Variants in RORA observed in about 807,000 individuals in gnomAD.
RORA encodes nuclear receptor ROR-alpha.
In RORA, 7 loss-of-function variants were observed where a neutral mutation model predicts 69.5. The observed-to-expected ratio is 0.10, with a 90% CI of 0.06 to 0.19. The LOEUF (loss-of-function observed/expected upper bound fraction) is 0.19, where lower values mean the gene tolerates loss of function less well. RORA is among the 10% of genes least tolerant of loss of function. The pLI is 1.00. For synonymous variants in RORA, 261 were observed against 240.8 expected (o/e 1.08, Z -0.78); for missense variants, 457 against 663.0 (o/e 0.69, Z 3.41).
rs535306149 is a variant in RORA at position 60,973,841 on chromosome 15, T to C, written c.166+255212A>G. On this transcript the variant is annotated intron_variant, in intron 1 of 10. Coordinates refer to ENST00000335670, the MANE Select transcript of RORA (RefSeq NM_134261.3). The stretch of plus-strand genomic sequence containing the variant: ...GGGTCGGAGACATGAATGCTGCCTC[T>C]GGACTCGCCAATTAGGCCCAGCCAT... 2.0e-5 allele frequency among the ~76,000 whole-genome samples: 3 copies of C among 152,336 alleles called. No individual in the cohort carries two copies. The South Asian group carries it at 6.2e-4, about 32-fold the overall frequency.
At chr15:60,621,371 C>A (rs532182278) in intron 2 of RORA, among the ~76,000 whole-genome samples, 2 of 152,108 alleles carry the variant, frequency 1.3e-5, no homozygotes, top group African/African-American at 4.8e-5. Context: ...TAGTCCACTG[C>A]GGAGCCAGAG....
intron 2 of RORA, among the ~76,000 whole-genome samples, chr15:60,668,170 T>C (rs1443736924): frequency 6.6e-6 from 1 of 152,132 alleles, no homozygotes; most frequent in African/African-American, 2.4e-5. Flanking sequence ...CTGTCCTCAC[T>C]CCACGTAGAT....
chr15:60,846,349 T>C (rs1220733067), intron 1 of RORA, among the ~76,000 whole-genome samples: 2 of 152,196 alleles, frequency 1.3e-5, no homozygotes, highest in African/African-American at 4.8e-5. Flanking sequence ...AATCAGCTGA[T>C]TGCAAAGATC....
chr15:60,552,948 T>C (rs1047893453), intron 2 of RORA, among the ~76,000 whole-genome samples: 1 of 152,186 alleles, frequency 6.6e-6, no homozygotes, highest in Non-Finnish European at 1.5e-5. Flanking sequence ...TGGACCCCAA[T>C]GCTAAATCTT....
intron 1 of RORA, among the ~76,000 whole-genome samples, chr15:60,895,384 C>G (rs1294301605): frequency 6.6e-6 from 1 of 152,150 alleles, no homozygotes; most frequent in Non-Finnish European, 1.5e-5. Flanking sequence ...AGTAATTGCT[C>G]CTTTAGAGCA....
chr15:60,678,910 G>A (rs1312150687), intron 1 of RORA, among the ~76,000 whole-genome samples: 1 of 152,152 alleles, frequency 6.6e-6, no homozygotes, highest in Non-Finnish European at 1.5e-5. Flanking sequence ...GAGGTTCTGT[G>A]GTAAAAGTGG....
At chr15:60,995,089 AAG>A (rs1474337144) in intron 1 of RORA, among the ~76,000 whole-genome samples, 1 of 152,226 alleles carries the variant, frequency 6.6e-6, no homozygotes, top group African/African-American at 2.4e-5. Flanking sequence ...AAAAAAGAAG[AAG>A]AAGAAGAAAG....
chr15:60,869,802 C>G (rs898419257), intron 1 of RORA, among the ~76,000 whole-genome samples: 57 of 152,272 alleles, frequency 3.7e-4, no homozygotes, highest in African/African-American at 1.3e-3. Flanking sequence ...TAAGGGGAAC[C>G]CTGGCCCTGA....
chr15:61,065,789 C>T lies in RORA; in HGVS notation c.166+163264G>A, dbSNP rs147521981. 9.1e-4 allele frequency among the ~76,000 whole-genome samples: 139 copies of T among 152,284 alleles called. No homozygotes were observed. In the East Asian group the frequency reaches 0.014, roughly 15 times the overall value. ...CTTTTAGAGCACAAAAATTACCTGC[C>T]AAGACCTTGTTTCCATTGCATAACC... On this transcript the variant is annotated intron_variant, in intron 1 of 10. Transcript: ENST00000335670.
chr15:60,740,806 T>A (rs1020154376), intron 1 of RORA, among the ~76,000 whole-genome samples: 4 of 152,164 alleles, frequency 2.6e-5, no homozygotes, highest in East Asian at 1.9e-4. Context: ...TCTCTCTCTC[T>A]CACAGCTTTG....
At chr15:60,565,611 T>C (rs1353166175) in intron 2 of RORA, among the ~76,000 whole-genome samples, 1 of 152,214 alleles carries the variant, frequency 6.6e-6, no homozygotes, top group Non-Finnish European at 1.5e-5. Context: ...TTTAATGGAA[T>C]AGGCAGCAGG....
At chr15:60,773,446 C>T (rs1195528628) in intron 1 of RORA, among the ~76,000 whole-genome samples, 4 of 152,056 alleles carry the variant, frequency 2.6e-5, no homozygotes, top group African/African-American at 9.7e-5. Flanking sequence ...GGAATAATTT[C>T]TTACGCAATC....
intron 1 of RORA, among the ~76,000 whole-genome samples, chr15:60,832,928 G>A (rs747097564): frequency 1.1e-4 from 17 of 151,308 alleles, no homozygotes; most frequent in African/African-American, 2.9e-4. Context: ...TTTTTGAGAC[G>A]GAGTCTCACT....
intron 1 of RORA, among the ~76,000 whole-genome samples, chr15:61,125,684 T>C (rs1478651033): frequency 6.6e-6 from 1 of 152,250 alleles, no homozygotes; most frequent in African/African-American, 2.4e-5. Flanking sequence ...TTCCTCTGTT[T>C]AGCAAGAATT....
intron 1 of RORA, among the ~76,000 whole-genome samples, chr15:60,955,730 C>G (rs1249750397): frequency 1.3e-5 from 2 of 152,146 alleles, no homozygotes; most frequent in African/African-American, 4.8e-5. Context: ...GGTCACAGAG[C>G]CAGGGTGGAG....
chr15:60,613,259 G>A (rs11635265), intron 2 of RORA, among the ~76,000 whole-genome samples: 22,820 of 152,156 alleles, frequency 0.15, 1,929 homozygotes, highest in Middle Eastern at 0.24. Context: ...CTGTGTGCCT[G>A]TAATATACAG....
chr15:61,115,723 C>A (rs540714623), intron 1 of RORA, among the ~76,000 whole-genome samples: 1 of 152,250 alleles, frequency 6.6e-6, no homozygotes, highest in African/African-American at 2.4e-5. Flanking sequence ...ATTTCAGCAT[C>A]ACAATTTTTC....
chr15:60,715,755 C>T (rs948663667), intron 1 of RORA, among the ~76,000 whole-genome samples: 3 of 152,096 alleles, frequency 2.0e-5, no homozygotes, highest in Non-Finnish European at 2.9e-5. Context: ...TAAATGTACA[C>T]AACTGTATGC....
intron 1 of RORA, among the ~76,000 whole-genome samples, chr15:60,968,314 A>C (rs2140349114): frequency 6.6e-6 from 1 of 152,330 alleles, no homozygotes; most frequent in East Asian, 1.9e-4. Context: ...AATAGTCCTT[A>C]AACATACGCA....
Sources: gnomAD v4.1 joint callset for allele counts (sites outside exome capture counted in the v4.1 genomes callset) on GRCh38, gnomAD v4.1.1 for gene constraint, MANE v1.5 for transcripts, NCBI Gene and HGNC (gene_info 2026-07-23, HGNC 2026-07-21) for gene names.